GSK3B: variants seen among roughly 807,000 people sequenced by gnomAD.
The protein encoded by GSK3B is glycogen synthase kinase 3 beta, also known as glycogen synthase kinase-3 beta.
A neutral mutation model predicts 56.4 loss-of-function variants in GSK3B; 15 were observed. The ratio of observed to expected loss-of-function variants is 0.27; its 90% CI spans 0.18 to 0.41. The LOEUF (loss-of-function observed/expected upper bound fraction) is 0.41, where lower values mean the gene tolerates loss of function less well. GSK3B is among the 10% of genes least tolerant of loss of function. The pLI, the probability that GSK3B is intolerant of heterozygous loss-of-function variation, is 1.00. For synonymous variants in GSK3B, 181 were observed against 188.9 expected, an observed-to-expected ratio of 0.96 and a Z score of 0.34; for missense variants, 300 against 513.4, an observed-to-expected ratio of 0.58 and a Z score of 4.02.
chr3:119,844,894 T>C (rs2055834312), intron 9 of GSK3B, among the ~76,000 whole-genome samples: 2 of 152,166 alleles, frequency 1.3e-5, no homozygotes, highest in Admixed American at 6.5e-5. Flanking sequence ...CTGATGAACA[T>C]AGATGCAAAA....
chr3:119,970,613 T>TTA (rs1553741576), intron 2 of GSK3B, among the ~76,000 whole-genome samples: 1 of 114,288 alleles, frequency 8.7e-6, no homozygotes, highest in African/African-American at 3.3e-5. Flanking sequence ...CTACTAAAAT[T>TTA]AAAAAAAAAA....
At chr3:120,048,463 T>C (rs2058121639) in intron 1 of GSK3B, among the ~76,000 whole-genome samples, 3 of 152,232 alleles carry the variant, frequency 2.0e-5, no homozygotes, top group Admixed American at 2.0e-4. Context: ...ATACTGGCTC[T>C]GCCACTTACT....
chr3:120,046,857 C>T (rs1405682670), intron 1 of GSK3B, among the ~76,000 whole-genome samples: 4 of 152,096 alleles, frequency 2.6e-5, no homozygotes, highest in Non-Finnish European at 2.9e-5. Context: ...GTGATCTGCC[C>T]GCCTCGGCCT....
chr3:119,867,398 T>C (rs1421366461), intron 8 of GSK3B, among the ~76,000 whole-genome samples: 2 of 152,200 alleles, frequency 1.3e-5, no homozygotes, highest in Non-Finnish European at 1.5e-5. Context: ...TGCCCGCTCA[T>C]ACCCTTGCAC....
At position 119,825,410 on chromosome 3, in the gene GSK3B, A is replaced by G. The variant is rs2055487751; in HGVS notation, c.*1378T>C. ...ATACACAAAGAAAACAGACACAAAA[A>G]CTCTTAACTGGGTGTGGGGGAAACA... is the stretch of plus-strand genomic sequence containing the variant. On this transcript the variant is annotated 3_prime_UTR_variant, in exon 11 of 11. Coordinates refer to ENST00000264235, the MANE Select transcript of GSK3B (RefSeq NM_001146156.2). 1 of 229,844 alleles carries G rather than the reference A, an allele frequency of 4.4e-6. No homozygotes were observed. The highest frequency in any genetic ancestry group is 8.6e-6 in the Non-Finnish European group (1 of 116,154). 14.2% of individuals were successfully genotyped at this position (229,844 alleles called of 1,614,324 possible).
chr3:119,913,765 AATG>A (rs1001529668), intron 5 of GSK3B, among the ~76,000 whole-genome samples: 2 of 151,982 alleles, frequency 1.3e-5, no homozygotes, highest in Non-Finnish European at 2.9e-5. Context: ...ATTTCTAGTC[AATG>A]ATGACTCTAA....
intron 3 of GSK3B, among the ~76,000 whole-genome samples, chr3:119,938,072 T>C (rs1031418196): frequency 9.9e-5 from 15 of 151,826 alleles, no homozygotes; most frequent in African/African-American, 3.4e-4. Flanking sequence ...TGACTCAAAA[T>C]GAAACAGACG....
intron 3 of GSK3B, among the ~76,000 whole-genome samples, chr3:119,945,491 C>A (rs527599145): frequency 2.1e-4 from 32 of 152,122 alleles, no homozygotes; most frequent in African/African-American, 7.5e-4. Flanking sequence ...TCCTCTGGGG[C>A]ATACAGATAA....
intron 1 of GSK3B, among the ~76,000 whole-genome samples, chr3:120,076,813 CAAAAAAAA>C (rs202058386): frequency 2.4e-4 from 11 of 45,590 alleles, no homozygotes; most frequent in Admixed American, 6.7e-4. Context: ...AACTCCGTCT[CAAAAAAAA>C]AAAAAAAAAA....
intron 1 of GSK3B, among the ~76,000 whole-genome samples, chr3:120,013,695 G>C (rs1468506807): frequency 2.0e-5 from 3 of 152,070 alleles, no homozygotes. Flanking sequence ...TTAGCAGAGG[G>C]AAAGGCACTG....
intron 1 of GSK3B, among the ~76,000 whole-genome samples, chr3:120,022,966 G>A (rs141458572): frequency 6.6e-6 from 1 of 152,288 alleles, no homozygotes; most frequent in African/African-American, 2.4e-5. Flanking sequence ...AGTGTCAAAA[G>A]TAGATAAGGA....
At position 120,054,714 on chromosome 3, in the gene GSK3B, C is replaced by T. The variant is rs2058179194; in HGVS notation, c.88+38633G>A. Among the ~76,000 whole-genome samples the T allele has an allele frequency of 2.6e-5, 4 of 152,274 alleles. No homozygotes were observed. In the South Asian group the frequency reaches 8.3e-4, roughly 32 times the overall value. On this transcript the variant is annotated intron_variant, in intron 1 of 10. Coordinates refer to ENST00000264235, the MANE Select transcript of GSK3B (RefSeq NM_001146156.2). ...CTTCACCTACTTATGCTACACTGCTCATCAGCTCATACAAGTCTCCTGATA... is the reference window on the plus strand; with the variant it reads ...CTTCACCTACTTATGCTACACTGCTTATCAGCTCATACAAGTCTCCTGATA...
At chr3:119,868,693 C>G (rs2056213393) in intron 8 of GSK3B, among the ~76,000 whole-genome samples, 1 of 152,156 alleles carries the variant, frequency 6.6e-6, no homozygotes, top group Admixed American at 6.5e-5. Context: ...AGAACAAGAG[C>G]CATGTCTGTT....
intron 8 of GSK3B, among the ~76,000 whole-genome samples, chr3:119,865,615 G>A (rs1209427082): frequency 4.0e-5 from 6 of 150,278 alleles, no homozygotes; most frequent in African/African-American, 9.8e-5. Flanking sequence ...GACTACAGGC[G>A]CCCGCCACCA....
At chr3:119,946,922 T>C (rs990149634) in intron 3 of GSK3B, among the ~76,000 whole-genome samples, 11 of 152,094 alleles carry the variant, frequency 7.2e-5, no homozygotes, top group African/African-American at 2.7e-4. Flanking sequence ...ATGACTTAAT[T>C]TTCCTCCCTG....
At chr3:119,932,077 T>G (rs2056951121) in intron 3 of GSK3B, among the ~76,000 whole-genome samples, 1 of 152,240 alleles carries the variant, frequency 6.6e-6, no homozygotes, top group Non-Finnish European at 1.5e-5. Flanking sequence ...TAGTATGATG[T>G]GTTATCTCCA....
chr3:119,994,195 A>G (rs2057592902), intron 2 of GSK3B, among the ~76,000 whole-genome samples: 1 of 152,126 alleles, frequency 6.6e-6, no homozygotes, highest in African/African-American at 2.4e-5. Flanking sequence ...AAATGACCAA[A>G]GATTATAACC....
intron 1 of GSK3B, among the ~76,000 whole-genome samples, chr3:120,086,426 A>G (rs888136278): frequency 3.3e-5 from 5 of 152,206 alleles, no homozygotes; most frequent in Admixed American, 6.5e-5. Flanking sequence ...TCAACAAATT[A>G]CAGATATTTT....
intron 3 of GSK3B, among the ~76,000 whole-genome samples, chr3:119,923,809 T>C (rs1158893704): frequency 6.6e-6 from 1 of 152,204 alleles, no homozygotes; most frequent in Non-Finnish European, 1.5e-5. Flanking sequence ...AGGCTGATAA[T>C]CAATGTCCTC....
Sources: allele counts gnomAD v4.1 joint callset (sites outside exome capture counted in the v4.1 genomes callset), GRCh38; gene constraint gnomAD v4.1.1; transcripts MANE v1.5; gene names NCBI Gene and HGNC (gene_info 2026-07-23, HGNC 2026-07-21).